ROBO1: variants seen among roughly 807,000 people sequenced by gnomAD.
ROBO1 encodes the protein roundabout homolog 1.
Under a neutral mutation model 195.9 loss-of-function variants are expected in ROBO1, and 149 were observed. The ratio of observed to expected loss-of-function variants is 0.76; its 90% CI spans 0.67 to 0.87. ROBO1 has a LOEUF of 0.87. Among genes scored for constraint, ROBO1 ranks in the 40% least tolerant of loss-of-function variants. The pLI is 0.00. For missense variants in ROBO1, 1,933 were observed against 2,068.3 expected, an observed-to-expected ratio of 0.93 and a Z score of 1.27; for synonymous variants, 816 against 733.2, an observed-to-expected ratio of 1.11 and a Z score of -1.82.
chr3:79,507,275 A>G (rs1264112217), intron 2 of ROBO1, among the ~76,000 whole-genome samples: 1 of 152,186 alleles, frequency 6.6e-6, no homozygotes, highest in Non-Finnish European at 1.5e-5. Flanking sequence ...AATGCCTACC[A>G]AGGTGTCTAC....
intron 4 of ROBO1, among the ~76,000 whole-genome samples, chr3:78,858,774 C>A (rs889789018): frequency 3.3e-5 from 5 of 150,430 alleles, no homozygotes; most frequent in African/African-American, 1.2e-4. Context: ...CCACCCCCCG[C>A]CAGAAAACAT....
chr3:79,652,296 CTCTT>C (rs1419439610), intron 1 of ROBO1, among the ~76,000 whole-genome samples: 1 of 151,852 alleles, frequency 6.6e-6, no homozygotes, highest in Non-Finnish European at 1.5e-5. Flanking sequence ...TTTCTTGTCT[CTCTT>C]TTCTAAAAAT....
At chr3:79,472,946 G>A (rs1438433151) in intron 2 of ROBO1, among the ~76,000 whole-genome samples, 3 of 152,146 alleles carry the variant, frequency 2.0e-5, no homozygotes. Context: ...ATATTAGCTA[G>A]GTGAGGGGAA....
intron 2 of ROBO1, among the ~76,000 whole-genome samples, chr3:79,516,836 A>T (rs998770350): frequency 2.0e-5 from 3 of 152,210 alleles, no homozygotes; most frequent in Non-Finnish European, 2.9e-5. Flanking sequence ...GATTTCTAGA[A>T]ATGGAAATGA....
At chr3:78,980,359 G>C (rs895179635) in intron 3 of ROBO1, among the ~76,000 whole-genome samples, 6 of 152,026 alleles carry the variant, frequency 3.9e-5, no homozygotes, top group African/African-American at 1.4e-4. Flanking sequence ...ATCTGTGTTT[G>C]GCATAATGTC....
intron 2 of ROBO1, among the ~76,000 whole-genome samples, chr3:79,524,229 T>A (rs1165355736): frequency 6.6e-6 from 1 of 151,872 alleles, no homozygotes; most frequent in Non-Finnish European, 1.5e-5. Flanking sequence ...TAGAAATTTT[T>A]AATAATATAA....
chr3:79,706,586 G>A (rs1947777728), intron 1 of ROBO1, among the ~76,000 whole-genome samples: 1 of 152,070 alleles, frequency 6.6e-6, no homozygotes, highest in Non-Finnish European at 1.5e-5. Flanking sequence ...GGGTAATTAA[G>A]TCATGGCAGC....
chr3:78,781,503 G>GT (rs1426334630), intron 4 of ROBO1, among the ~76,000 whole-genome samples: 1 of 152,078 alleles, frequency 6.6e-6, no homozygotes, highest in Non-Finnish European at 1.5e-5. Context: ...TATTTTCTCT[G>GT]TGCTCAGGGG....
At chr3:79,675,551 T>A (rs1946759144) in intron 1 of ROBO1, among the ~76,000 whole-genome samples, 1 of 151,990 alleles carries the variant, frequency 6.6e-6, no homozygotes, top group African/African-American at 2.4e-5. Flanking sequence ...AAATGACAGG[T>A]AGCTGGAGGG....
intron 3 of ROBO1, among the ~76,000 whole-genome samples, chr3:78,955,215 G>A (rs556305022): frequency 1.4e-5 from 2 of 145,000 alleles, no homozygotes; most frequent in African/African-American, 2.6e-5. Flanking sequence ...TAAACTGTGT[G>A]TCATGGGGGT....
intron 14 of ROBO1, among the ~76,000 whole-genome samples, chr3:78,664,986 ACT>A (rs1464788757): frequency 6.6e-6 from 1 of 151,980 alleles, no homozygotes; most frequent in Non-Finnish European, 1.5e-5. Flanking sequence ...AATAAGCATA[ACT>A]CTTCCATACG....
intron 2 of ROBO1, among the ~76,000 whole-genome samples, chr3:79,374,721 T>C (rs1417865630): frequency 1.3e-5 from 2 of 152,298 alleles, no homozygotes; most frequent in East Asian, 1.9e-4. Flanking sequence ...ACTTAGTCTT[T>C]TGTAGAAATG....
At chr3:78,908,758 C>T (rs1447677389) in intron 4 of ROBO1, among the ~76,000 whole-genome samples, 2 of 151,862 alleles carry the variant, frequency 1.3e-5, no homozygotes, top group African/African-American at 2.4e-5. Flanking sequence ...ATGAAAAGCA[C>T]ACATGGGCTG....
chr3:79,766,198 C>T (rs772545566), intron 1 of ROBO1, among the ~76,000 whole-genome samples: 8 of 151,952 alleles, frequency 5.3e-5, no homozygotes, highest in Non-Finnish European at 1.2e-4. Flanking sequence ...TCCTCTAAAT[C>T]AATCCACTTA....
chr3:79,670,841 G>T (rs1253135005), intron 1 of ROBO1, among the ~76,000 whole-genome samples: 2 of 151,770 alleles, frequency 1.3e-5, no homozygotes, highest in Non-Finnish European at 2.9e-5. Flanking sequence ...AGTCCCTAGG[G>T]TGAATTTGGG....
intron 5 of ROBO1, 111 bp from the exon 6 acceptor site, chr3:78,717,994 A>C: frequency 9.7e-7 from 1 of 1,031,498 alleles, no homozygotes. Flanking sequence ...TCAAAGCATA[A>C]TTACATCAAC....
intron 2 of ROBO1, among the ~76,000 whole-genome samples, chr3:79,516,319 ACTT>A (rs1940942089): frequency 6.6e-6 from 1 of 152,096 alleles, no homozygotes; most frequent in Non-Finnish European, 1.5e-5. Flanking sequence ...CCATACTCTC[ACTT>A]CTTCATTCAC....
At chr3:78,875,606 C>A (rs1388483990) in intron 4 of ROBO1, among the ~76,000 whole-genome samples, 1 of 151,924 alleles carries the variant, frequency 6.6e-6, no homozygotes, top group Admixed American at 6.6e-5. Flanking sequence ...AAAACGTCCA[C>A]CAGTCCAAAA....
At chr3:78,673,579 TATATATATATATATATATATATATATAC>T (rs1559727864) in intron 10 of ROBO1, among the ~76,000 whole-genome samples, 3 of 51,322 alleles carry the variant, frequency 5.8e-5, no homozygotes, top group African/African-American at 2.1e-4. Flanking sequence ...TATATATATA[TATATATATATATATATATATATATATAC>T]ACACATATAT....
Sources: gnomAD v4.1 joint callset for allele counts (sites outside exome capture counted in the v4.1 genomes callset) on GRCh38, gnomAD v4.1.1 for gene constraint, MANE v1.5 for transcripts, NCBI Gene and HGNC (gene_info 2026-07-23, HGNC 2026-07-21) for gene names.